TBC1D4: variants seen among roughly 807,000 people sequenced by gnomAD.
The protein encoded by TBC1D4 is TBC1 domain family member 4.
A neutral mutation model predicts 142.5 loss-of-function variants in TBC1D4; 121 were observed. The ratio of observed to expected loss-of-function variants is 0.85; its 90% confidence interval spans 0.73 to 0.99. The LOEUF is 0.99. Among genes scored for constraint, TBC1D4 ranks in the 50% least tolerant of loss-of-function variants. The probability of loss-of-function intolerance (pLI) is 0.00; values close to 1 mark genes in which losing one functional copy is unlikely to be tolerated. For missense variants in TBC1D4, 1,475 were observed against 1,606.6 expected, an observed-to-expected ratio of 0.92 and a Z score of 1.40; for synonymous variants, 630 against 628.2, an observed-to-expected ratio of 1.00 and a Z score of -0.04.
intron 10 of TBC1D4, among the ~76,000 whole-genome samples, chr13:75,324,608 G>T (rs559182931): frequency 6.6e-6 from 1 of 152,016 alleles, no homozygotes; most frequent in Non-Finnish European, 1.5e-5. Context: ...TTTACAATTT[G>T]AATTCCTTAT....
At position 75,423,035 on chromosome 13, in the gene TBC1D4, C is replaced by A. The variant is rs543779854; in HGVS notation, c.498+58235G>T. On this transcript the variant is annotated intron_variant, in intron 1 of 20. Coordinates refer to ENST00000377636, the MANE Select transcript of TBC1D4 (RefSeq NM_014832.5). ...CTACTAGTTAGGCTAAATGACACAGCTGACAGAGAAAACATATTTTAATGA... is the reference window on the plus strand; with the variant it reads ...CTACTAGTTAGGCTAAATGACACAGATGACAGAGAAAACATATTTTAATGA... Among the ~76,000 whole-genome samples the A allele has an allele frequency of 5.9e-5, 9 of 152,244 alleles. No homozygotes were observed. In the East Asian group the frequency reaches 1.5e-3, roughly 26 times the overall value.
In TBC1D4 at chr13:75,286,294, A is replaced by G. The variant is rs573679224; in HGVS notation, c.*498T>C. 5.7e-5 allele frequency: 9 copies of G among 158,656 alleles called. No individual in the cohort carries two copies. In the South Asian group the frequency reaches 1.6e-3, roughly 29 times the overall value. 9.8% of individuals were successfully genotyped at this position (158,656 alleles called of 1,614,324 possible). A position where few individuals can be genotyped will look rare whatever the true frequency, so the allele number is the denominator to read the frequency against. On this transcript the variant is annotated 3_prime_UTR_variant, in exon 21 of 21. Coordinates refer to ENST00000377636, the MANE Select transcript of TBC1D4 (RefSeq NM_014832.5). ...TATCAAGACAGATACACATAAAGTT[A>G]CATAAATGTTTCCACCTTTTCACCA... is the stretch of plus-strand genomic sequence containing the variant.
rs1403266107 is a variant in TBC1D4 at position 75,406,685 on chromosome 13, A to C, written c.499-44078T>G. Among the ~76,000 whole-genome samples the C allele has an allele frequency of 2.0e-5, 3 of 152,212 alleles. No individual in the cohort carries two copies. The South Asian group carries it at 6.2e-4, about 32-fold the overall frequency. The stretch of plus-strand genomic sequence containing the variant: ...CATTTTACGATTCATGTAAGAGTAG[A>C]ATAAACAAAAGTGATTATTAGAGAA... On this transcript the variant is annotated intron_variant, in intron 1 of 20. Coordinates refer to ENST00000377636, the MANE Select transcript of TBC1D4 (RefSeq NM_014832.5).
At chr13:75,379,241 A>C (rs888761028) in intron 1 of TBC1D4, among the ~76,000 whole-genome samples, 1 of 151,942 alleles carries the variant, frequency 6.6e-6, no homozygotes, top group South Asian at 2.1e-4. Flanking sequence ...CACAAACGTG[A>C]ATTTTTATAC....
At position 75,366,415 on chromosome 13, in the gene TBC1D4, C is replaced by T. The variant is rs556007244; in HGVS notation, c.499-3808G>A. On this transcript the variant is annotated intron_variant, in intron 1 of 20. Coordinates refer to ENST00000377636, the MANE Select transcript of TBC1D4 (RefSeq NM_014832.5). ...CTGTGAGTTAATTTTTGGATTAATG[C>T]CAATATAAAGGCAGGATAATGTACA... Among the ~76,000 whole-genome samples, 109 of 150,202 alleles carry T rather than the reference C, an allele frequency of 7.3e-4. 1 individual carries two copies. The Middle Eastern group carries it at 0.017, about 23-fold the overall frequency.
intron 1 of TBC1D4, among the ~76,000 whole-genome samples, chr13:75,468,465 A>T (rs2031505): frequency 0.92 from 140,585 of 152,158 alleles, 65,932 homozygotes; most frequent in Non-Finnish European, 1. Flanking sequence ...TCAACTCACA[A>T]AGGACAAGGA....
chr13:75,340,894 C>A (rs1880632674), intron 7 of TBC1D4, among the ~76,000 whole-genome samples: 1 of 152,054 alleles, frequency 6.6e-6, no homozygotes, highest in African/African-American at 2.4e-5. Context: ...TGCAGTGAGC[C>A]AAGATCGTGC....
chr13:75,288,466 C>T (rs1169242440), intron 20 of TBC1D4, among the ~76,000 whole-genome samples: 1 of 152,154 alleles, frequency 6.6e-6, no homozygotes, highest in East Asian at 1.9e-4. Context: ...TACCCTACCT[C>T]TCCCCAACCT....
chr13:75,330,527 G>T (rs1879660687), intron 8 of TBC1D4, among the ~76,000 whole-genome samples: 1 of 152,140 alleles, frequency 6.6e-6, no homozygotes, highest in African/African-American at 2.4e-5. Context: ...TGGTTATTTA[G>T]CCCGTCTTCA....
intron 1 of TBC1D4, among the ~76,000 whole-genome samples, chr13:75,392,240 T>C (rs1884527724): frequency 6.6e-6 from 1 of 152,182 alleles, no homozygotes; most frequent in Non-Finnish European, 1.5e-5. Context: ...GCACACAAAA[T>C]AAATGCAAAA....
intron 1 of TBC1D4, among the ~76,000 whole-genome samples, chr13:75,437,659 G>C (rs746118922): frequency 4.0e-5 from 6 of 151,598 alleles, no homozygotes; most frequent in Non-Finnish European, 5.9e-5. Context: ...CCGATATACA[G>C]TTTTTCAGAT....
chr13:75,450,458 GATAC>G (rs1887488816), intron 1 of TBC1D4, among the ~76,000 whole-genome samples: 1 of 152,116 alleles, frequency 6.6e-6, no homozygotes, highest in Non-Finnish European at 1.5e-5. Context: ...CACCCATACG[GATAC>G]ATGCAGATAT....
At chr13:75,421,864 G>A (rs538388560) in intron 1 of TBC1D4, among the ~76,000 whole-genome samples, 16 of 42,358 alleles carry the variant, frequency 3.8e-4, no homozygotes, top group African/African-American at 1.5e-3. Flanking sequence ...ATACTGAGAT[G>A]AAGCAATCCC....
intron 1 of TBC1D4, among the ~76,000 whole-genome samples, chr13:75,396,799 G>A (rs1258139391): frequency 6.6e-6 from 1 of 152,006 alleles, no homozygotes; most frequent in African/African-American, 2.4e-5. Flanking sequence ...ACAACATTCT[G>A]AGCACTTGAG....
At chr13:75,390,672 G>C (rs1175594378) in intron 1 of TBC1D4, among the ~76,000 whole-genome samples, 2 of 152,072 alleles carry the variant, frequency 1.3e-5, no homozygotes, top group African/African-American at 4.8e-5. Flanking sequence ...GATGCTGCAT[G>C]TGACCTTCAA....
chr13:75,466,897 TA>T lies in TBC1D4; in HGVS notation c.498+14372del, dbSNP rs530953510. 8.2e-4 allele frequency among the ~76,000 whole-genome samples: 121 copies of T among 147,444 alleles called. 2 individuals are homozygous for T. Among genetic ancestry groups the T allele is most frequent in the Middle Eastern group, 6.8e-3 (2 of 292 alleles). The stretch of plus-strand genomic sequence containing the variant: ...AAAAAAATAATAATAATTTAAAAAT[TA>T]AAAAAAAAACATCTGAAAAATGTAA... On this transcript the variant is annotated intron_variant, in intron 1 of 20. Transcript: ENST00000377636.
chr13:75,362,270 C>G lies in TBC1D4; in HGVS notation c.836G>C (p.Gly279Ala). Reference sequence around the variant, plus strand: ...AGGCTGGCTGGCCCCGGCAGGTAAGCCAAGGTGGGTGTCGGTGCCGTCAGC... The same window carrying G: ...AGGCTGGCTGGCCCCGGCAGGTAAGGCAAGGTGGGTGTCGGTGCCGTCAGC... Reference protein sequence around the residue: ...EEADGTDTHLGLPAGASQPAL... With the variant: ...EEADGTDTHLALPAGASQPAL... Residue 279 changes from glycine to alanine, a missense_variant, in exon 2 of 21, where the codon GGC becomes GCC. Physicochemically the swap from Gly to Ala is moderately conservative, Grantham distance 60 (BLOSUM62 0). Coordinates refer to ENST00000377636, the MANE Select transcript of TBC1D4 (RefSeq NM_014832.5). The surrounding 1 kb of genome is among the most constrained non-coding windows in gnomAD (Gnocchi z 4.2). The G allele has an allele frequency of 6.2e-7, 1 of 1,613,868 alleles. No individual in the cohort carries two copies. The highest frequency in any genetic ancestry group is 8.5e-7 in the Non-Finnish European group (1 of 1,179,992).
At chr13:75,319,367 G>C (rs781125857) in intron 12 of TBC1D4, among the ~76,000 whole-genome samples, 6 of 152,126 alleles carry the variant, frequency 3.9e-5, no homozygotes, top group Non-Finnish European at 8.8e-5. Flanking sequence ...TAAAGCAGAG[G>C]ACAGTTATTT....
chr13:75,479,132 T>C (rs1429556878), intron 1 of TBC1D4, among the ~76,000 whole-genome samples: 1 of 152,214 alleles, frequency 6.6e-6, no homozygotes, highest in Non-Finnish European at 1.5e-5. Context: ...CAGTCCTCCA[T>C]GGTCCTCACT....
Sources: gnomAD v4.1 joint callset for allele counts (sites outside exome capture counted in the v4.1 genomes callset) on GRCh38, gnomAD v4.1.1 for gene constraint, Gnocchi (gnomAD v3.1) non-coding constraint, MANE v1.5 for transcripts, NCBI Gene and HGNC (gene_info 2026-07-23, HGNC 2026-07-21) for gene names.